The following PHLDB2 variants were observed in gnomAD, a reference collection of about 807,000 sequenced individuals.
The protein encoded by PHLDB2 is pleckstrin homology-like domain family B member 2.
A neutral mutation model predicts 123.6 loss-of-function variants in PHLDB2; 71 were observed. That is an observed-to-expected ratio of 0.57 (90% confidence interval 0.47 to 0.70). The LOEUF is 0.70. PHLDB2 is among the 30% of genes least tolerant of loss of function. The pLI, the probability that PHLDB2 is intolerant of heterozygous loss-of-function variation, is 0.00. For missense variants in PHLDB2, 1,446 were observed against 1,519.5 expected (o/e 0.95, Z 0.80); for synonymous variants, 547 against 541.6 (o/e 1.01, Z -0.14).
chr3:111,787,547 C>G (rs978567371), intron 1 of PHLDB2, among the ~76,000 whole-genome samples: 1 of 152,158 alleles, frequency 6.6e-6, no homozygotes, highest in Non-Finnish European at 1.5e-5. Context: ...GATGAGAACC[C>G]TTTCAAGCTA....
rs928623922 is a variant in PHLDB2, at chr3:111,947,951, A to T, written c.2488-981A>T. 1.6e-4 allele frequency among the ~76,000 whole-genome samples: 25 copies of T among 152,228 alleles called. 1 individual carries two copies. Among genetic ancestry groups the T allele is most frequent in the Non-Finnish European group, 3.4e-4 (23 of 68,042 alleles). On this transcript the variant is annotated intron_variant, in intron 9 of 17. Coordinates refer to ENST00000431670, the MANE Select transcript of PHLDB2 (RefSeq NM_001134438.2). ...TCAAATTTAACTCAATTTCAGCTTT[A>T]AAAGAGAGGTGTTATTTTATATAGC...
At chr3:111,967,378 TG>T (rs1405742718) in intron 14 of PHLDB2, among the ~76,000 whole-genome samples, 1 of 152,196 alleles carries the variant, frequency 6.6e-6, no homozygotes, top group Non-Finnish European at 1.5e-5. Flanking sequence ...TTATTTAAAA[TG>T]GGAGAGTTGC....
At chr3:111,842,116 G>C (rs1346754635) in intron 1 of PHLDB2, among the ~76,000 whole-genome samples, 2 of 152,206 alleles carry the variant, frequency 1.3e-5, no homozygotes, top group Admixed American at 1.3e-4. Flanking sequence ...AAGTTATAAA[G>C]GAGATAATGT....
intron 1 of PHLDB2, among the ~76,000 whole-genome samples, chr3:111,735,059 A>G (rs1241946493): frequency 1.3e-5 from 2 of 152,234 alleles, no homozygotes; most frequent in African/African-American, 4.8e-5. Flanking sequence ...GTCCCTTTTT[A>G]TACTGTAGAC....
intron 1 of PHLDB2, among the ~76,000 whole-genome samples, chr3:111,759,176 A>G (rs1230183472): frequency 1.3e-5 from 2 of 151,988 alleles, no homozygotes; most frequent in African/African-American, 2.4e-5. Context: ...ACAAAATACC[A>G]TAAACTAGGT....
chr3:111,911,711 G>T (rs748778866), intron 2 of PHLDB2: 2 of 1,536,084 alleles, frequency 1.3e-6, no homozygotes, highest in Non-Finnish European at 8.7e-7. Flanking sequence ...AGAAGTTCAG[G>T]CAGTGAAAGG....
chr3:111,831,037 GGA>G (rs2063004420), intron 1 of PHLDB2, among the ~76,000 whole-genome samples: 1 of 56,838 alleles, frequency 1.8e-5, no homozygotes, highest in Non-Finnish European at 3.9e-5. Flanking sequence ...AAGAAAGGAA[GGA>G]AGGAAGAAAG....
At chr3:111,822,323 A>G (rs1441015264) in intron 1 of PHLDB2, among the ~76,000 whole-genome samples, 109 of 116,316 alleles carry the variant, frequency 9.4e-4, no homozygotes, top group African/African-American at 4.7e-3. Context: ...GTGTGTATAT[A>G]TATATATATA....
chr3:111,879,619 A>T (rs1255367549), intron 1 of PHLDB2, among the ~76,000 whole-genome samples: 1 of 152,040 alleles, frequency 6.6e-6, no homozygotes, highest in East Asian at 1.9e-4. Context: ...GTAAAGTGTA[A>T]CTTTTTTGAA....
chr3:111,937,789 TAAAAAA>T (rs543757980), intron 6 of PHLDB2, among the ~76,000 whole-genome samples: 2 of 131,718 alleles, frequency 1.5e-5, no homozygotes, highest in Admixed American at 7.6e-5. Flanking sequence ...AAAAAAAAAT[TAAAAAA>T]AAAAAAGGAA....
intron 7 of PHLDB2, among the ~76,000 whole-genome samples, chr3:111,939,976 A>T (rs1054964601): frequency 1.2e-4 from 18 of 152,180 alleles, no homozygotes; most frequent in Admixed American, 1.1e-3. Context: ...CTCTGTTTTC[A>T]TTGCTCAGTA....
chr3:111,842,999 C>T (rs1482372907), intron 1 of PHLDB2, among the ~76,000 whole-genome samples: 1 of 152,124 alleles, frequency 6.6e-6, no homozygotes, highest in African/African-American at 2.4e-5. Context: ...ATCCATTCAC[C>T]TTTTGAAATA....
intron 1 of PHLDB2, chr3:111,859,822 T>C (rs2064718628): frequency 2.0e-6 from 2 of 985,520 alleles, no homozygotes; most frequent in African/African-American, 1.7e-5. Context: ...GGGCAAAGGC[T>C]AGGCGCTAGG....
At chr3:111,834,480 A>G (rs548198099) in intron 1 of PHLDB2, among the ~76,000 whole-genome samples, 6 of 150,468 alleles carry the variant, frequency 4.0e-5, no homozygotes. Context: ...GATTTACCTC[A>G]TTTTCATATC....
chr3:111,958,391 G>A (rs2071183411), intron 12 of PHLDB2: 1 of 736,142 alleles, frequency 1.4e-6, no homozygotes, highest in Non-Finnish European at 1.7e-6. Flanking sequence ...CTATATTACA[G>A]CCCAGATAGC....
At chr3:111,860,668 T>C (rs2064789111) in intron 1 of PHLDB2, among the ~76,000 whole-genome samples, 1 of 152,134 alleles carries the variant, frequency 6.6e-6, no homozygotes, top group South Asian at 2.1e-4. Flanking sequence ...ACCTTTCTTA[T>C]GTAAAAGAGG....
chr3:111,945,105 CCT>C (rs2070209287), intron 8 of PHLDB2, among the ~76,000 whole-genome samples, 161 bp from the exon 9 acceptor site: 1 of 152,110 alleles, frequency 6.6e-6, no homozygotes, highest in African/African-American at 2.4e-5. Context: ...CAGAAGATGA[CCT>C]CTAGTATACA....
At chr3:111,939,412 C>A (rs1161999209) in intron 6 of PHLDB2, 63 bp from the exon 7 acceptor site, 6 of 1,494,922 alleles carry the variant, frequency 4.0e-6, no homozygotes, top group Non-Finnish European at 5.4e-6. Context: ...ATAAATGTTT[C>A]TTCACATTAA....
At position 111,852,320 on chromosome 3, in the gene PHLDB2, T is replaced by C. The variant is rs555537194; in HGVS notation, c.67+6385T>C. On this transcript the variant is annotated intron_variant, in intron 2 of 17. Transcript: ENST00000393923. ...CCATATATATGTAAAATATATATTA[T>C]ATATACAATTATGTTATATGTAAAG... 4.0e-5 allele frequency among the ~76,000 whole-genome samples: 6 copies of C among 148,504 alleles called. No homozygotes were observed. The South Asian group carries it at 1.3e-3, about 31-fold the overall frequency.
Sources: allele counts gnomAD v4.1 joint callset (sites outside exome capture counted in the v4.1 genomes callset), GRCh38; gene constraint gnomAD v4.1.1; transcripts MANE v1.5; gene names NCBI Gene and HGNC (gene_info 2026-07-23, HGNC 2026-07-21).